Variants in ADGRD1 observed in about 807,000 individuals in gnomAD.
The protein encoded by ADGRD1 is adhesion G protein-coupled receptor D1.
A neutral mutation model predicts 113.4 loss-of-function variants in ADGRD1; 77 were observed. The ratio of observed to expected loss-of-function variants is 0.68; its 90% CI spans 0.57 to 0.82. The LOEUF (loss-of-function observed/expected upper bound fraction) is 0.82, where lower values mean the gene tolerates loss of function less well. Ranked by LOEUF, ADGRD1 falls within the 40% of genes least tolerant of loss-of-function variation. The pLI, the probability that ADGRD1 is intolerant of heterozygous loss-of-function variation, is 0.00. For missense variants in ADGRD1, 1,036 were observed against 1,139.1 expected (o/e 0.91, Z 1.30); for synonymous variants, 474 against 475.0 (o/e 1.00, Z 0.03).
intron 9 of ADGRD1, among the ~76,000 whole-genome samples, chr12:131,001,624 G>C (rs919983518): frequency 1.3e-5 from 2 of 152,222 alleles, no homozygotes; most frequent in African/African-American, 4.8e-5. Context: ...CAGCACAGTA[G>C]AAATTTACTT....
chr12:131,012,369 C>T (rs1430397317), intron 12 of ADGRD1, among the ~76,000 whole-genome samples: 1 of 151,700 alleles, frequency 6.6e-6, no homozygotes, highest in Non-Finnish European at 1.5e-5. Context: ...GAGGAATTGC[C>T]GGGTCGAGCA....
chr12:131,046,701 TC>T (rs2137019349), intron 13 of ADGRD1, among the ~76,000 whole-genome samples: 1 of 126,946 alleles, frequency 7.9e-6, no homozygotes, highest in African/African-American at 3.2e-5. Flanking sequence ...GGCAGTGTCC[TC>T]CCTGGTGAGT....
intron 2 of ADGRD1, among the ~76,000 whole-genome samples, chr12:130,955,733 G>A (rs1054302699): frequency 6.6e-6 from 1 of 152,182 alleles, no homozygotes; most frequent in African/African-American, 2.4e-5. Flanking sequence ...GAGCGCTATT[G>A]TATGGCCCTG....
intron 19 of ADGRD1, 96 bp downstream of exon 19, chr12:131,118,547 T>A (rs1056736177): frequency 1.2e-6 from 1 of 861,704 alleles, no homozygotes; most frequent in Non-Finnish European, 1.8e-6. Context: ...CTCTTCTGGG[T>A]GCAGGGGTGC....
intron 13 of ADGRD1, among the ~76,000 whole-genome samples, chr12:131,018,349 G>A (rs1027857330): frequency 2.6e-4 from 39 of 152,134 alleles, no homozygotes; most frequent in Non-Finnish European, 5.1e-4. Flanking sequence ...GCATCGGCTC[G>A]GGTTTTGGTT....
intron 13 of ADGRD1, among the ~76,000 whole-genome samples, chr12:131,018,765 A>G (rs191177916): frequency 4.7e-4 from 72 of 152,304 alleles, no homozygotes; most frequent in African/African-American, 1.7e-3. Context: ...AGGTGTTGAC[A>G]TTCTCGTGGA....
chr12:131,051,486 C>CTTTG (rs139359592), intron 13 of ADGRD1, among the ~76,000 whole-genome samples: 134,407 of 147,130 alleles, frequency 0.91, 61,496 homozygotes, highest in South Asian at 0.93. Flanking sequence ...TCTTTCTTTT[C>CTTTG]TTTTTTTTTT....
chr12:131,004,383 C>A, intron 11 of ADGRD1, 87 bp downstream of exon 11: 3 of 1,004,020 alleles, frequency 3.0e-6, no homozygotes, highest in Non-Finnish European at 4.6e-6. Flanking sequence ...GTGCCCACCG[C>A]GCCAGGGAGC....
chr12:131,108,781 T>C lies in ADGRD1; in HGVS notation c.1945T>C (p.Trp649Arg). 4 of 1,613,988 alleles carry C rather than the reference T, an allele frequency of 2.5e-6. No individual in the cohort carries two copies. Among genetic ancestry groups the C allele is most frequent in the Non-Finnish European group, 3.4e-6 (4 of 1,179,988 alleles). The change falls in exon 18 of 25, where the codon TGG becomes CGG. Residue 649 changes from tryptophan (W) to arginine (R), a missense_variant. Coordinates refer to ENST00000261654, the MANE Select transcript of ADGRD1 (RefSeq NM_198827.5). Reference sequence around the variant, plus strand: ...CTACTTCTTCCTGAGTGCCTTCGCATGGATGCTGGTGGAGGGGCTGCACCT... The same window carrying C: ...CTACTTCTTCCTGAGTGCCTTCGCACGGATGCTGGTGGAGGGGCTGCACCT... ...LHYFFLSAFAWMLVEGLHLYS... is the reference protein window; with the variant it reads ...LHYFFLSAFARMLVEGLHLYS...
intron 13 of ADGRD1, among the ~76,000 whole-genome samples, chr12:131,017,509 T>C: frequency 1.7e-5 from 2 of 120,530 alleles, no homozygotes; most frequent in African/African-American, 6.7e-5. Context: ...ACACCCCATC[T>C]ACACCCACCC....
intron 4 of ADGRD1, among the ~76,000 whole-genome samples, chr12:130,972,579 C>T (rs1021382715): frequency 1.3e-5 from 2 of 152,058 alleles, no homozygotes; most frequent in African/African-American, 4.8e-5. Context: ...TTCCTGAGTT[C>T]AAGCAGCTCC....
chr12:131,128,289 C>G (rs1950798455), intron 20 of ADGRD1, among the ~76,000 whole-genome samples: 1 of 151,810 alleles, frequency 6.6e-6, no homozygotes, highest in East Asian at 2.0e-4. Context: ...GGACCCTGAG[C>G]TCAGGTGGGG....
At chr12:131,137,424 C>T (rs896174317) in intron 23 of ADGRD1, among the ~76,000 whole-genome samples, 11 of 152,344 alleles carry the variant, frequency 7.2e-5, no homozygotes, top group South Asian at 2.1e-4. Context: ...CTTATTCTTT[C>T]GGTGCTGCTC....
intron 14 of ADGRD1, among the ~76,000 whole-genome samples, chr12:131,080,770 G>A (rs1047798058): frequency 7.2e-5 from 11 of 152,094 alleles, no homozygotes; most frequent in South Asian, 6.2e-4. Flanking sequence ...ACAGGCGCCC[G>A]CCACCACGCC....
chr12:131,108,807 C>T lies in ADGRD1; in HGVS notation c.1971C>T (p.Leu657=). 1 of 1,613,858 alleles carries T rather than the reference C, an allele frequency of 6.2e-7. No homozygotes were observed. Among genetic ancestry groups the T allele is most frequent in the Non-Finnish European group, 8.5e-7 (1 of 1,179,970 alleles). ...FAWMLVEGLH[L]YSMVIKVFGS... is the part of the protein sequence containing the mutation. ...GGATGCTGGTGGAGGGGCTGCACCT[C>T]TACAGCATGGTGATCAAGGTCTTTG... is the stretch of plus-strand genomic sequence containing the variant. Residue 657 remains leucine, a synonymous_variant, in exon 18 of 25, where the codon CTC becomes CTT. Coordinates refer to ENST00000261654, the MANE Select transcript of ADGRD1 (RefSeq NM_198827.5).
At position 130,965,014 on chromosome 12, in the gene ADGRD1, C is replaced by T. The variant is rs527910869; in HGVS notation, c.104-1449C>T. ...TAAAGTATAGTTTACGACATTGAGT[C>T]GGCTTTTCCAAGAATAGGTTGAATC... On this transcript the variant is annotated intron_variant, in intron 2 of 24. Coordinates refer to ENST00000261654, the MANE Select transcript of ADGRD1 (RefSeq NM_198827.5). The surrounding 1 kb of genome is among the most constrained non-coding windows in gnomAD (Gnocchi z 4.8). 2.6e-5 allele frequency among the ~76,000 whole-genome samples: 4 copies of T among 152,184 alleles called. No homozygotes were observed. Among genetic ancestry groups the T allele is most frequent in the South Asian group, 2.1e-4 (1 of 4,834 alleles).
At position 131,050,355 on chromosome 12, in the gene ADGRD1, C is replaced by T. The variant is rs1883260189; in HGVS notation, c.1474-26446C>T. ...AAAATTTGACTTGTGTTTTTCTAGC[C>T]CAAATTTCCCAAGATCACGAGCCAC... is the stretch of plus-strand genomic sequence containing the variant. On this transcript the variant is annotated intron_variant, in intron 13 of 24. Coordinates refer to ENST00000261654, the MANE Select transcript of ADGRD1 (RefSeq NM_198827.5). The surrounding 1 kb of genome is among the most constrained non-coding windows in gnomAD (Gnocchi z 4.8). 6.6e-6 allele frequency among the ~76,000 whole-genome samples: 1 copy of T among 152,032 alleles called. No individual in the cohort carries two copies. The highest frequency in any genetic ancestry group is 1.5e-5 in the Non-Finnish European group (1 of 68,018).
In ADGRD1 at chr12:130,954,672, T is replaced by C. The variant is rs777182557; in HGVS notation, c.103+12T>C. The C allele has an allele frequency of 6.2e-6, 10 of 1,610,474 alleles. No individual in the cohort carries two copies. The Admixed American group carries it at 1.7e-4, about 27-fold the overall frequency. ...GCAGGACCATCCAGGTAAGAGTGTTTCCTTCTCACTCTGAGCACCGCTCTC... is the reference window on the plus strand; with the variant it reads ...GCAGGACCATCCAGGTAAGAGTGTTCCCTTCTCACTCTGAGCACCGCTCTC... On this transcript the variant is annotated intron_variant, in intron 2 of 24. Coordinates refer to ENST00000261654, the MANE Select transcript of ADGRD1 (RefSeq NM_198827.5). This position sits in a 1 kb window ranked among gnomAD's most constrained non-coding sequence, Gnocchi z 4.7.
rs369419264 is a variant in ADGRD1, at chr12:131,011,050, G to A, written c.1332-3149G>A. 1.3e-4 allele frequency among the ~76,000 whole-genome samples: 20 copies of A among 151,602 alleles called. No homozygotes were observed. The East Asian group carries it at 2.4e-3, about 18-fold the overall frequency. On this transcript the variant is annotated intron_variant, in intron 12 of 24. Coordinates refer to ENST00000261654, the MANE Select transcript of ADGRD1 (RefSeq NM_198827.5). ...GGGCGGGTGGAGGCAGGGTATAAGG[G>A]GCAGAGGAAGAGCCAGCACAGCCTC...
Sources: allele counts gnomAD v4.1 joint callset (sites outside exome capture counted in the v4.1 genomes callset), GRCh38; gene constraint gnomAD v4.1.1; non-coding constraint Gnocchi (gnomAD v3.1); transcripts MANE v1.5; gene names NCBI Gene and HGNC (gene_info 2026-07-23, HGNC 2026-07-21).